SCGB2B2: variants seen among roughly 807,000 people sequenced by gnomAD.
The protein encoded by SCGB2B2 is secretoglobin family 2B member 2, also known as secretoglobin-like protein.
Under a neutral mutation model 7.6 loss-of-function variants are expected in SCGB2B2, and 11 were observed. The observed-to-expected ratio is 1.45, with a 90% CI of 0.91 to 2.40. The LOEUF is 2.40. SCGB2B2 is among the 30% of genes most tolerant of loss of function. The pLI is 0.00. For missense variants in SCGB2B2, 104 were observed against 115.4 expected, an observed-to-expected ratio of 0.90 and a Z score of 0.45; for synonymous variants, 50 against 48.6, an observed-to-expected ratio of 1.03 and a Z score of -0.12.
chr19:34,600,672 G>A (rs1462857664), intron 1 of SCGB2B2, among the ~76,000 whole-genome samples: 2 of 152,130 alleles, frequency 1.3e-5, no homozygotes, highest in African/African-American at 4.8e-5. Context: ...GTCATTTAGT[G>A]AAATGTGAAT....
intron 1 of SCGB2B2, among the ~76,000 whole-genome samples, chr19:34,640,852 C>T (rs1286619487): frequency 6.6e-6 from 1 of 151,726 alleles, no homozygotes; most frequent in Non-Finnish European, 1.5e-5. Flanking sequence ...TTATTTTTTT[C>T]CAGATGTGAA....
Position 34,650,542 on chromosome 19 carries a change from C to A in SCGB2B2, c.-2032+25088G>T, listed in dbSNP as rs150991778. Among the ~76,000 whole-genome samples, 260 of 151,228 alleles carry A rather than the reference C, an allele frequency of 1.7e-3. 20 individuals carry two copies. Among genetic ancestry groups the A allele is most frequent in the African/African-American group, 6.2e-3 (253 of 40,598 alleles). ...AAATTCCTGGAAAAATATAACCTAC[C>A]GGGATTGAGCCGAAAAGAAATCAAA... On this transcript the variant is annotated intron_variant, in intron 1 of 3. Transcript: ENST00000601241.
chr19:34,658,265 A>C (rs1193874098), intron 1 of SCGB2B2, among the ~76,000 whole-genome samples: 1 of 152,214 alleles, frequency 6.6e-6, no homozygotes, highest in African/African-American at 2.4e-5. Context: ...ACTGAAGGAG[A>C]TAGAGATACA....
intron 1 of SCGB2B2, chr19:34,634,840 A>ACCTGTGATACC: frequency 3.9e-6 from 1 of 256,822 alleles, no homozygotes; most frequent in Non-Finnish European, 8.4e-6. Context: ...CATTCGCTGC[A>ACCTGTGATACC]CACATAGGGC....
chr19:34,631,777 T>C (rs2145952275), intron 1 of SCGB2B2, among the ~76,000 whole-genome samples: 1 of 152,060 alleles, frequency 6.6e-6, no homozygotes, highest in Middle Eastern at 3.4e-3. Flanking sequence ...AAAATTCATA[T>C]GGAAATGCGA....
At chr19:34,610,389 A>G (rs2065894899) in intron 1 of SCGB2B2, among the ~76,000 whole-genome samples, 2 of 152,046 alleles carry the variant, frequency 1.3e-5, no homozygotes, top group African/African-American at 4.8e-5. Flanking sequence ...CTTGCTCCAG[A>G]TTTTAGAGGA....
At chr19:34,614,111 G>A (rs991279123) in intron 1 of SCGB2B2, among the ~76,000 whole-genome samples, 10 of 138,302 alleles carry the variant, frequency 7.2e-5, no homozygotes, top group African/African-American at 2.4e-4. Context: ...ACTTTCAGCT[G>A]AATCTTTTTT....
intron 1 of SCGB2B2, among the ~76,000 whole-genome samples, chr19:34,664,849 G>A (rs1024090777): frequency 1.3e-5 from 2 of 152,002 alleles, no homozygotes; most frequent in African/African-American, 4.8e-5. Flanking sequence ...GAAGCAGCGG[G>A]AGCTGTATCT....
At chr19:34,645,531 CACA>C (rs2066981313) in intron 1 of SCGB2B2, 1 of 57,728 alleles carries the variant, frequency 1.7e-5, no homozygotes, top group African/African-American at 7.8e-5. Flanking sequence ...CACAGACACA[CACA>C]GACACAGACA....
At position 34,593,603 on chromosome 19, in the gene SCGB2B2, T is replaced by A; in HGVS notation, c.247-4A>T. On this transcript the variant is annotated splice_region_variant and splice_polypyrimidine_tract_variant and intron_variant, in intron 3 of 3. Transcript: ENST00000601241. ...CGTTGCTCTGAAGGATCTTCTTCTG[T>A]TGGAAAAAGAAGAAAGAGAGGAGCC... 2.6e-6 allele frequency: 4 copies of A among 1,551,898 alleles called. No individual in the cohort carries two copies. The highest frequency in any genetic ancestry group is 3.5e-6 in the Non-Finnish European group (4 of 1,147,162).
chr19:34,640,872 G>A (rs1329278426), intron 1 of SCGB2B2, among the ~76,000 whole-genome samples: 4 of 152,050 alleles, frequency 2.6e-5, no homozygotes, highest in African/African-American at 9.7e-5. Flanking sequence ...AATTATAAAT[G>A]CAGGGACTTA....
At position 34,594,910 on chromosome 19, in the gene SCGB2B2, C is replaced by T. The variant is rs1053265753; in HGVS notation, c.-347G>A. On this transcript the variant is annotated 5_prime_UTR_variant, in exon 2 of 4. Coordinates refer to ENST00000601241, the MANE Select transcript of SCGB2B2 (RefSeq NM_001025591.4). Reference sequence around the variant, plus strand: ...GTCTGAGTGTGCATGCACATGTGACCCTGTGTCTTGGCAAACGTGTGTCTG... The same window carrying T: ...GTCTGAGTGTGCATGCACATGTGACTCTGTGTCTTGGCAAACGTGTGTCTG... 10 of 329,524 alleles carry T rather than the reference C, an allele frequency of 3.0e-5. No homozygotes were observed. Among genetic ancestry groups the T allele is most frequent in the African/African-American group, 1.7e-4 (8 of 47,924 alleles). 20.4% of individuals were successfully genotyped at this position (329,524 alleles called of 1,614,324 possible).
intron 1 of SCGB2B2, among the ~76,000 whole-genome samples, chr19:34,655,551 G>A (rs1303111367): frequency 6.6e-6 from 1 of 151,226 alleles, no homozygotes; most frequent in East Asian, 1.9e-4. Context: ...ACTGATTGAT[G>A]TATTATGTCT....
At chr19:34,654,295 T>C (rs1345834317) in intron 1 of SCGB2B2, among the ~76,000 whole-genome samples, 2 of 151,230 alleles carry the variant, frequency 1.3e-5, no homozygotes, top group Non-Finnish European at 2.9e-5. Context: ...GTTAATACTT[T>C]AAATGATACT....
At chr19:34,634,259 C>A (rs541056509) in intron 1 of SCGB2B2, among the ~76,000 whole-genome samples, 1 of 152,286 alleles carries the variant, frequency 6.6e-6, no homozygotes, top group South Asian at 2.1e-4. Context: ...TTATGGTGGT[C>A]TGCAATGGCC....
intron 1 of SCGB2B2, among the ~76,000 whole-genome samples, chr19:34,618,105 C>T (rs1476080445): frequency 2.6e-5 from 4 of 152,230 alleles, no homozygotes; most frequent in Admixed American, 6.5e-5. Context: ...GCATCACTCA[C>T]GCTGGGAGCT....
At chr19:34,597,159 CCCA>C (rs1461824253) in intron 1 of SCGB2B2, among the ~76,000 whole-genome samples, 7 of 151,954 alleles carry the variant, frequency 4.6e-5, no homozygotes, top group African/African-American at 1.7e-4. Flanking sequence ...TCCCATCAGC[CCCA>C]CCACATGTGG....
intron 1 of SCGB2B2, among the ~76,000 whole-genome samples, chr19:34,615,105 G>A (rs1392427636): frequency 6.6e-6 from 1 of 152,074 alleles, no homozygotes; most frequent in Non-Finnish European, 1.5e-5. Context: ...GGCATGAAGG[G>A]GATCTGTGGC....
chr19:34,660,847 C>G (rs185120546), intron 1 of SCGB2B2, among the ~76,000 whole-genome samples: 2 of 152,274 alleles, frequency 1.3e-5, no homozygotes, highest in Admixed American at 1.3e-4. Context: ...CAGCACTATT[C>G]ACAATAGCAA....
Sources: allele counts gnomAD v4.1 joint callset (sites outside exome capture counted in the v4.1 genomes callset), GRCh38; gene constraint gnomAD v4.1.1; transcripts MANE v1.5; gene names NCBI Gene and HGNC (gene_info 2026-07-23, HGNC 2026-07-21).